Variants in IPP observed in about 807,000 individuals in gnomAD.
IPP encodes the protein intracisternal A particle-promoted polypeptide, also known as actin-binding protein IPP.
In IPP, 41 loss-of-function variants were observed where a neutral mutation model predicts 64.1. The ratio of observed to expected loss-of-function variants is 0.64; its 90% CI spans 0.50 to 0.83. The LOEUF (loss-of-function observed/expected upper bound fraction) is 0.83, where lower values mean the gene tolerates loss of function less well. Among genes scored for constraint, IPP ranks in the 40% least tolerant of loss-of-function variants. IPP has a pLI of 0.00. For missense variants in IPP, 649 were observed against 703.0 expected, an observed-to-expected ratio of 0.92 and a Z score of 0.87; for synonymous variants, 214 against 235.2, an observed-to-expected ratio of 0.91 and a Z score of 0.83.
At position 45,719,264 on chromosome 1, in the gene IPP, C is replaced by G. The variant is rs367992913; in HGVS notation, c.1125G>C (p.Ser375=). The stretch of plus-strand genomic sequence containing the variant: ...CTAAGCCGCAGCGGGGATGATTCAT[C>G]GAAGCTACAGTTGTCCACTGTTTAG... ...PVTKQWTTVA[S]MNHPRCGLGV... is the part of the protein sequence containing the mutation. Residue 375 remains serine (S), a synonymous_variant, in exon 6 of 9, where the codon TCG becomes TCC. Coordinates refer to ENST00000396478, the MANE Select transcript of IPP (RefSeq NM_005897.3). 2 of 1,613,714 alleles carry G rather than the reference C, an allele frequency of 1.2e-6. No individual in the cohort carries two copies. Among genetic ancestry groups the G allele is most frequent in the Non-Finnish European group, 1.7e-6 (2 of 1,179,776 alleles).
chr1:45,711,272 C>G lies in IPP; in HGVS notation c.1530+2974G>C, dbSNP rs1282018101. ...CAGGGAATTGCTTGAACCTGGGAGG[C>G]GGAGGTTGTAGTGAGCCAAGATCAC... On this transcript the variant is annotated intron_variant, in intron 8 of 8. Coordinates refer to ENST00000396478, the MANE Select transcript of IPP (RefSeq NM_005897.3). Among the ~76,000 whole-genome samples, 4 of 151,600 alleles carry G rather than the reference C, an allele frequency of 2.6e-5. No individual in the cohort carries two copies. In the South Asian group the frequency reaches 8.4e-4, roughly 32 times the overall value.
intron 3 of IPP, among the ~76,000 whole-genome samples, chr1:45,731,435 G>C (rs1196896806): frequency 1.3e-5 from 2 of 152,118 alleles, no homozygotes; most frequent in Non-Finnish European, 2.9e-5. Flanking sequence ...GTGAGACTCT[G>C]TCTCAAAACA....
intron 5 of IPP, among the ~76,000 whole-genome samples, chr1:45,722,141 C>T (rs1012743982): frequency 1.3e-5 from 2 of 152,216 alleles, no homozygotes; most frequent in Middle Eastern, 3.4e-3. Flanking sequence ...GTAATCCCAA[C>T]TACTTGGGAG....
At chr1:45,736,557 G>T (rs1486837749) in intron 3 of IPP, among the ~76,000 whole-genome samples, 1 of 151,908 alleles carries the variant, frequency 6.6e-6, no homozygotes. Flanking sequence ...AAGAGGAAAA[G>T]TTTCAAAGTT....
intron 3 of IPP, among the ~76,000 whole-genome samples, chr1:45,733,653 G>T (rs1014246199): frequency 6.6e-6 from 1 of 151,760 alleles, no homozygotes; most frequent in South Asian, 2.1e-4. Context: ...CCAATATGGC[G>T]AAACCCCGTC....
At position 45,699,981 on chromosome 1, in the gene IPP, G is replaced by A. The variant is rs780790120; in HGVS notation, c.1740C>T (p.Gly580=). 30 of 1,614,048 alleles carry A rather than the reference G, an allele frequency of 1.9e-5. No individual in the cohort carries two copies. Among genetic ancestry groups the A allele is most frequent in the Non-Finnish European group, 2.3e-5 (27 of 1,179,992 alleles). The change falls in exon 9 of 9, where the codon GGC becomes GGT. Residue 580 remains glycine, a synonymous_variant. Coordinates refer to ENST00000396478, the MANE Select transcript of IPP (RefSeq NM_005897.3). The stretch of plus-strand genomic sequence containing the variant: ...GCTTTATATTTCATAGCACAGCAAC[G>A]CCCCCTTCACAACGACTGGTGATCA... The part of the protein sequence containing the change: ...GNMITSRCEG[G]VAVL
intron 1 of IPP, among the ~76,000 whole-genome samples, chr1:45,748,772 G>A (rs1005788082): frequency 2.6e-5 from 4 of 152,094 alleles, no homozygotes; most frequent in African/African-American, 7.2e-5. Context: ...AGGCGTTCAG[G>A]ACCAGCCTGG....
At chr1:45,708,957 CCG>C (rs893026841) in intron 8 of IPP, among the ~76,000 whole-genome samples, 20 of 147,774 alleles carry the variant, frequency 1.4e-4, no homozygotes, top group African/African-American at 5.0e-4. Flanking sequence ...CTGCTTGAAC[CCG>C]AGAGGCAGAG....
At chr1:45,708,271 A>G in intron 8 of IPP, among the ~76,000 whole-genome samples, 1 of 151,608 alleles carries the variant, frequency 6.6e-6, no homozygotes, top group East Asian at 2.0e-4. Context: ...TCACTGTGTT[A>G]GCCAGGATGC....
chr1:45,730,926 T>C (rs1645896945), intron 3 of IPP, among the ~76,000 whole-genome samples: 1 of 152,172 alleles, frequency 6.6e-6, no homozygotes, highest in Non-Finnish European at 1.5e-5. Context: ...TACAAGACCA[T>C]CAGTTAAGGT....
chr1:45,750,027 TAGG>T (rs1405338952), intron 1 of IPP, among the ~76,000 whole-genome samples: 5 of 151,818 alleles, frequency 3.3e-5, no homozygotes, highest in South Asian at 2.1e-4. Flanking sequence ...CATTCCAGCC[TAGG>T]AGAAGGGGCG....
chr1:45,718,902 C>CAA (rs59512208), intron 6 of IPP, among the ~76,000 whole-genome samples: 2 of 54,294 alleles, frequency 3.7e-5, no homozygotes, highest in African/African-American at 6.7e-5. Flanking sequence ...TTAATGAATA[C>CAA]AAAAAAAAAA....
At chr1:45,740,510 C>G (rs1163173513) in intron 3 of IPP, among the ~76,000 whole-genome samples, 1 of 152,088 alleles carries the variant, frequency 6.6e-6, no homozygotes, top group Non-Finnish European at 1.5e-5. Context: ...GCTGACCCCC[C>G]CACCTCCCTC....
intron 1 of IPP, among the ~76,000 whole-genome samples, chr1:45,750,044 CTG>C (rs1410788627): frequency 6.6e-6 from 1 of 151,594 alleles, no homozygotes; most frequent in East Asian, 1.9e-4. Flanking sequence ...AGGGGCGAGA[CTG>C]TCTCAAAAAA....
downstream of IPP, chr1:45,694,452 T>A (rs45519431): frequency 6.5e-7 from 1 of 1,538,788 alleles, no homozygotes; most frequent in East Asian, 2.5e-5. Context: ...TAGAGTCTTG[T>A]GATCATTGAA....
chr1:45,725,767 TCCTGTTGA>T (rs1645816343), intron 5 of IPP, among the ~76,000 whole-genome samples: 1 of 139,828 alleles, frequency 7.2e-6, no homozygotes, highest in Admixed American at 7.4e-5. Context: ...TGCCTTGGGA[TCCTGTTGA>T]TCTGTGACCT....
chr1:45,707,477 G>A lies in IPP; in HGVS notation c.1530+6769C>T, dbSNP rs545731395. On this transcript the variant is annotated intron_variant, in intron 8 of 8. Coordinates refer to ENST00000396478, the MANE Select transcript of IPP (RefSeq NM_005897.3). ...TTAAAACTAATATTATTAATTGTTTGGGGAGCTAAAGGAAAATATGAACAT... is the reference window on the plus strand; with the variant it reads ...TTAAAACTAATATTATTAATTGTTTAGGGAGCTAAAGGAAAATATGAACAT... Among the ~76,000 whole-genome samples the A allele has an allele frequency of 8.0e-5, 12 of 150,814 alleles. 1 individual carries two copies. The South Asian group carries it at 1.3e-3, about 16-fold the overall frequency.
chr1:45,728,983 T>G (rs1185675052), intron 4 of IPP, among the ~76,000 whole-genome samples: 1 of 150,368 alleles, frequency 6.7e-6, no homozygotes, highest in East Asian at 1.9e-4. Flanking sequence ...TATATATATA[T>G]AGGTATACAA....
intron 3 of IPP, among the ~76,000 whole-genome samples, chr1:45,738,839 CAA>C (rs752168393): frequency 1.3e-4 from 1 of 7,694 alleles, no homozygotes; most frequent in Non-Finnish European, 3.7e-4. Flanking sequence ...GACTCCATCT[CAA>C]AAAAAAAAAA....
Sources: gnomAD v4.1 joint callset for allele counts (sites outside exome capture counted in the v4.1 genomes callset) on GRCh38, gnomAD v4.1.1 for gene constraint, MANE v1.5 for transcripts, NCBI Gene and HGNC (gene_info 2026-07-23, HGNC 2026-07-21) for gene names.